The following MTMR8 variants were observed in gnomAD, a reference collection of about 807,000 sequenced individuals.
MTMR8 encodes the protein phosphatidylinositol-3,5-bisphosphate 3-phosphatase MTMR8.
A neutral mutation model predicts 39.3 loss-of-function variants in MTMR8; 65 were observed. The observed-to-expected ratio is 1.65, with a 90% CI of 1.35 to 2.03. MTMR8 has a LOEUF of 2.03. Among genes scored for constraint, MTMR8 ranks in the 30% most tolerant of loss-of-function variants. MTMR8 has a pLI of 0.00. For missense variants in MTMR8, 777 were observed against 538.9 expected, an observed-to-expected ratio of 1.44 and a Z score of -4.37; for synonymous variants, 245 against 185.2, an observed-to-expected ratio of 1.32 and a Z score of -2.62.
At chrX:64,280,725 G>T (rs1916045914) in intron 12 of MTMR8, among the ~76,000 whole-genome samples, 1 of 111,289 alleles carries the variant, frequency 9.0e-6, no homozygotes, top group Non-Finnish European at 1.9e-5. Context: ...ATGAAATAAA[G>T]GGTATTCAAA....
At chrX:64,305,808 TG>T in intron 12 of MTMR8, 1 of 359,464 alleles carries the variant, frequency 2.8e-6, no homozygotes, top group Admixed American at 3.3e-5. Context: ...TGGCTCTTTG[TG>T]GTGACATAAA....
intron 12 of MTMR8, among the ~76,000 whole-genome samples, chrX:64,302,000 A>G (rs1279029315): frequency 8.0e-5 from 9 of 112,180 alleles, no homozygotes; most frequent in Non-Finnish European, 1.5e-4. Flanking sequence ...AAGTCTGCAG[A>G]GGTTACTGCT....
In MTMR8 at chrX:64,334,602, T is replaced by TCTGAA. The variant is rs1288011935; in HGVS notation, c.1151+1472_1151+1476dup. On this transcript the variant is annotated intron_variant, in intron 10 of 13. Coordinates refer to ENST00000374852, the MANE Select transcript of MTMR8 (RefSeq NM_017677.4). ...AAAAAAAAAAAAAAAAAAACAGGGC[T>TCTGAA]CTGAATGATCTTCTCCTCACTGGCT... is the stretch of plus-strand genomic sequence containing the variant. Among the ~76,000 whole-genome samples the TCTGAA allele has an allele frequency of 2.0e-3, 195 of 97,308 alleles. 1 individual carries two copies. The highest frequency in any genetic ancestry group is 6.9e-3 in the African/African-American group (188 of 27,405). 84.5% of individuals were successfully genotyped at this position (97,308 alleles called of 115,157 possible). A position where few individuals can be genotyped will look rare whatever the true frequency, so the allele number is the denominator to read the frequency against.
intron 12 of MTMR8, among the ~76,000 whole-genome samples, chrX:64,281,394 C>A (rs1413109478): frequency 9.0e-6 from 1 of 111,431 alleles, no homozygotes; most frequent in Non-Finnish European, 1.9e-5. Context: ...AGAAAAAACA[C>A]CACACATCTA....
chrX:64,394,769 C>G (rs1372272526), intron 1 of MTMR8, among the ~76,000 whole-genome samples: 1 of 112,245 alleles, frequency 8.9e-6, no homozygotes. Flanking sequence ...CACTCTGCCC[C>G]ACTCCTCTTC....
intron 1 of MTMR8, among the ~76,000 whole-genome samples, chrX:64,361,546 G>A (rs772507801): frequency 3.6e-5 from 4 of 110,871 alleles, no homozygotes; most frequent in African/African-American, 6.5e-5. Context: ...AAATGTCAAC[G>A]TAATACATCA....
Position 64,343,699 on chromosome X carries a change from G to T in MTMR8, c.887C>A (p.Thr296Lys), listed in dbSNP as rs1372952925. The T allele has an allele frequency of 8.3e-7, 1 of 1,201,463 alleles. No homozygotes were observed. The highest frequency in any genetic ancestry group is 2.2e-5 in the Admixed American group (1 of 45,561). The change falls in exon 8 of 14, where the codon ACA becomes AAA. Residue 296 changes from threonine (T) to lysine (K), a missense_variant. Coordinates refer to ENST00000374852, the MANE Select transcript of MTMR8 (RefSeq NM_017677.4). ...LLEVCELKTP[T>K]MSEFLSGLES... ...CAGGCCGCTAAGAAATTCACTCATT[G>T]TTGGAGTTTTCAATTCACAAACTAA...
chrX:64,358,245 A>G (rs965508024), intron 2 of MTMR8, among the ~76,000 whole-genome samples: 1 of 111,872 alleles, frequency 8.9e-6, no homozygotes, highest in East Asian at 2.8e-4. Flanking sequence ...CTAAGGTTAC[A>G]TAGCCAGTTA....
At chrX:64,337,721 T>C (rs1923115355) in intron 8 of MTMR8, among the ~76,000 whole-genome samples, 1 of 111,665 alleles carries the variant, frequency 9.0e-6, no homozygotes, top group Non-Finnish European at 1.9e-5. Flanking sequence ...GGAGGAAGAA[T>C]TCACACTCAA....
chrX:64,308,454 C>A (rs1045956616), intron 12 of MTMR8, among the ~76,000 whole-genome samples: 1 of 107,982 alleles, frequency 9.3e-6, no homozygotes, highest in Admixed American at 1.0e-4. Flanking sequence ...CAGGCATGAG[C>A]CACTGTGCCC....
At chrX:64,352,996 C>T (rs957379267) in intron 4 of MTMR8, among the ~76,000 whole-genome samples, 28 of 111,682 alleles carry the variant, frequency 2.5e-4, no homozygotes, top group African/African-American at 8.5e-4. Flanking sequence ...GATATGGCTT[C>T]ACTTCCTGAC....
intron 12 of MTMR8, among the ~76,000 whole-genome samples, chrX:64,314,473 C>A (rs1370417307): frequency 8.9e-6 from 1 of 112,604 alleles, no homozygotes; most frequent in Non-Finnish European, 1.9e-5. Flanking sequence ...ACTGTGTCCA[C>A]CCTCTGTGCA....
At chrX:64,384,205 G>T (rs1351224192) in intron 1 of MTMR8, among the ~76,000 whole-genome samples, 1 of 112,157 alleles carries the variant, frequency 8.9e-6, no homozygotes, top group Non-Finnish European at 1.9e-5. Flanking sequence ...ACACTGCTGT[G>T]AGGGGTGGAC....
chrX:64,279,437 G>A (rs1032375884), intron 12 of MTMR8, among the ~76,000 whole-genome samples: 7 of 111,716 alleles, frequency 6.3e-5, no homozygotes, highest in African/African-American at 2.3e-4. Flanking sequence ...CAGGTAAGAG[G>A]CTTATAAACA....
rs1321937853 is a variant in MTMR8, at chrX:64,359,496, A to G, written c.56T>C (p.Val19Ala). The change falls in exon 2 of 14, where the codon GTG (valine) becomes GCG (alanine). Residue 19 changes from valine to alanine, a missense_variant. Transcript: ENST00000374852. The part of the protein sequence containing the change: ...VENVKLVDRY[V>A]SKKPANGILY... ...AATCCCATTAGCTGGTTTCTTACTC[A>G]CATAACGATCCACCAATTTCACGTT... is the stretch of plus-strand genomic sequence containing the variant. 1 of 1,201,881 alleles carries G rather than the reference A, an allele frequency of 8.3e-7. No individual in the cohort carries two copies.
intron 12 of MTMR8, among the ~76,000 whole-genome samples, chrX:64,316,693 T>TA (rs1425989520): frequency 9.0e-6 from 1 of 111,134 alleles, no homozygotes; most frequent in Non-Finnish European, 1.9e-5. Flanking sequence ...CATTGATATA[T>TA]TTTTTTTGGC....
At chrX:64,345,701 C>A (rs1415400129) in intron 6 of MTMR8, among the ~76,000 whole-genome samples, 1 of 111,988 alleles carries the variant, frequency 8.9e-6, no homozygotes, top group Non-Finnish European at 1.9e-5. Context: ...CAGCCTTGAA[C>A]TCCTGGGCTC....
intron 12 of MTMR8, among the ~76,000 whole-genome samples, chrX:64,277,803 G>C (rs768418966): frequency 9.0e-6 from 1 of 111,061 alleles, no homozygotes; most frequent in Non-Finnish European, 1.9e-5. Context: ...AAGTTCTCCT[G>C]GATAATATCC....
chrX:64,337,250 A>G lies in MTMR8; in HGVS notation c.1101+18T>C, dbSNP rs1186214378. 9 of 1,195,380 alleles carry G rather than the reference A, an allele frequency of 7.5e-6. No homozygotes were observed. The South Asian group carries it at 1.7e-4, about 22-fold the overall frequency. ...CTGTCTCTTACACAAAGTAAAATAT[A>G]GTAGCGTGCTCTCTTACCATGAGTC... On this transcript the variant is annotated intron_variant, in intron 9 of 13. Transcript: ENST00000374852.
Sources: allele counts gnomAD v4.1 joint callset (sites outside exome capture counted in the v4.1 genomes callset), GRCh38; gene constraint gnomAD v4.1.1; transcripts MANE v1.5; gene names NCBI Gene and HGNC (gene_info 2026-07-23, HGNC 2026-07-21).